Variants in IL1RAPL1 observed in about 807,000 individuals in gnomAD.
The protein encoded by IL1RAPL1 is interleukin-1 receptor accessory protein-like 1.
A neutral mutation model predicts 48.4 loss-of-function variants in IL1RAPL1; 3 were observed. The ratio of observed to expected loss-of-function variants is 0.06; its 90% CI spans 0.03 to 0.16. The LOEUF is 0.16. Among genes scored for constraint, IL1RAPL1 ranks in the 10% least tolerant of loss-of-function variants. The pLI is 1.00. For synonymous variants in IL1RAPL1, 185 were observed against 187.7 expected (o/e 0.99, Z 0.12); for missense variants, 349 against 530.6 (o/e 0.66, Z 3.36).
At chrX:28,770,288 A>G (rs917932607) in intron 1 of IL1RAPL1, among the ~76,000 whole-genome samples, 29 of 111,042 alleles carry the variant, frequency 2.6e-4, no homozygotes, top group African/African-American at 9.2e-4. Context: ...CTGTAAGAAG[A>G]AAGGATGTAA....
At chrX:29,643,964 T>C (rs751579516) in intron 5 of IL1RAPL1, among the ~76,000 whole-genome samples, 1 of 112,274 alleles carries the variant, frequency 8.9e-6, no homozygotes, top group African/African-American at 3.2e-5. Flanking sequence ...CTTCAAGATA[T>C]ATTTTTTCAA....
intron 3 of IL1RAPL1, among the ~76,000 whole-genome samples, chrX:29,324,164 C>T (rs1230435196): frequency 9.0e-6 from 1 of 111,022 alleles, no homozygotes; most frequent in African/African-American, 3.3e-5. Context: ...TTCTGCATTG[C>T]TGCTTTATAC....
At chrX:29,447,955 A>G (rs1934631227) in intron 5 of IL1RAPL1, among the ~76,000 whole-genome samples, 1 of 112,243 alleles carries the variant, frequency 8.9e-6, no homozygotes, top group Non-Finnish European at 1.9e-5. Flanking sequence ...GTGGAAAGAC[A>G]AGAAATGTTT....
At chrX:29,219,338 T>G (rs758949438) in intron 2 of IL1RAPL1, among the ~76,000 whole-genome samples, 18 of 111,671 alleles carry the variant, frequency 1.6e-4, no homozygotes, top group African/African-American at 4.5e-4. Context: ...ACACTTACAA[T>G]GTACCAGGCC....
chrX:28,773,678 C>T (rs1274383220), intron 1 of IL1RAPL1, among the ~76,000 whole-genome samples: 4 of 111,603 alleles, frequency 3.6e-5, no homozygotes, highest in African/African-American at 9.8e-5. Flanking sequence ...AATGATCTCT[C>T]GAAGACTGCT....
At chrX:29,656,394 G>T (rs1436285979) in intron 5 of IL1RAPL1, among the ~76,000 whole-genome samples, 1 of 111,039 alleles carries the variant, frequency 9.0e-6, no homozygotes, top group African/African-American at 3.3e-5. Context: ...TGAACCCAAT[G>T]TGTAGTCTTT....
chrX:29,099,219 T>G (rs1928281022), intron 2 of IL1RAPL1, among the ~76,000 whole-genome samples: 1 of 111,944 alleles, frequency 8.9e-6, no homozygotes, highest in African/African-American at 3.2e-5. Context: ...TTAAAGAAGA[T>G]TTTTAATCAG....
At chrX:29,950,820 G>T (rs1000333787) in intron 9 of IL1RAPL1, among the ~76,000 whole-genome samples, 1 of 109,859 alleles carries the variant, frequency 9.1e-6, no homozygotes, top group Non-Finnish European at 1.9e-5. Context: ...GGGACTACAG[G>T]CGCCCGCAAC....
At chrX:29,452,727 G>T (rs1374089799) in intron 5 of IL1RAPL1, among the ~76,000 whole-genome samples, 1 of 110,577 alleles carries the variant, frequency 9.0e-6, no homozygotes, top group Non-Finnish European at 1.9e-5. Context: ...TGAATCACAG[G>T]ATTAACCTTT....
At chrX:28,959,593 AAT>A (rs1408823759) in intron 2 of IL1RAPL1, among the ~76,000 whole-genome samples, 1 of 111,701 alleles carries the variant, frequency 9.0e-6, no homozygotes, top group African/African-American at 3.2e-5. Context: ...ACTTAATACA[AAT>A]ATGTTTCTCT....
chrX:29,571,436 T>A (rs1336769716), intron 5 of IL1RAPL1, among the ~76,000 whole-genome samples: 1 of 111,272 alleles, frequency 9.0e-6, no homozygotes, highest in Non-Finnish European at 1.9e-5. Flanking sequence ...TCCTAGTAGT[T>A]ACTCTTTGTT....
intron 5 of IL1RAPL1, among the ~76,000 whole-genome samples, chrX:29,536,412 A>G (rs188306285): frequency 1.9e-4 from 21 of 111,979 alleles, no homozygotes; most frequent in Middle Eastern, 4.7e-3. Flanking sequence ...ATTACACTGC[A>G]TTGAGGCAAA....
intron 6 of IL1RAPL1, among the ~76,000 whole-genome samples, chrX:29,774,276 G>T (rs1014714405): frequency 3.6e-5 from 4 of 111,213 alleles, no homozygotes; most frequent in Non-Finnish European, 7.5e-5. Flanking sequence ...ATGGGGGACT[G>T]ATCTATGCAT....
chrX:28,767,184 C>T (rs62586134), intron 1 of IL1RAPL1, among the ~76,000 whole-genome samples: 2 of 111,526 alleles, frequency 1.8e-5, no homozygotes, highest in Non-Finnish European at 3.8e-5. Flanking sequence ...CTTTTCTCCA[C>T]ATCCTTGCCA....
chrX:29,686,618 T>C (rs1328084034), intron 6 of IL1RAPL1, among the ~76,000 whole-genome samples: 1 of 107,664 alleles, frequency 9.3e-6, no homozygotes, highest in Non-Finnish European at 1.9e-5. Context: ...AGTGCAGTGG[T>C]GCGATCTCAG....
chrX:28,821,415 G>C (rs1000980812), intron 2 of IL1RAPL1, among the ~76,000 whole-genome samples: 6 of 110,529 alleles, frequency 5.4e-5, no homozygotes, highest in Non-Finnish European at 1.1e-4. Context: ...GCCTACAGCA[G>C]AAATTGTAGT....
At chrX:29,118,666 G>A (rs1453304796) in intron 2 of IL1RAPL1, among the ~76,000 whole-genome samples, 1 of 111,468 alleles carries the variant, frequency 9.0e-6, no homozygotes, top group Non-Finnish European at 1.9e-5. Flanking sequence ...TAAGTTGTTA[G>A]AACAAGCTAG....
At chrX:29,204,209 A>G (rs1391868744) in intron 2 of IL1RAPL1, among the ~76,000 whole-genome samples, 6 of 111,838 alleles carry the variant, frequency 5.4e-5, no homozygotes, top group South Asian at 7.4e-4. Flanking sequence ...CAATATACTA[A>G]TCGCCTTTCT....
intron 2 of IL1RAPL1, among the ~76,000 whole-genome samples, chrX:28,865,966 A>G (rs993096155): frequency 8.9e-6 from 1 of 112,064 alleles, no homozygotes; most frequent in Admixed American, 9.5e-5. Flanking sequence ...AATGAAAAAA[A>G]TAGGTGAGGA....
Sources: gnomAD v4.1 joint callset for allele counts (sites outside exome capture counted in the v4.1 genomes callset) on GRCh38, gnomAD v4.1.1 for gene constraint, MANE v1.5 for transcripts, NCBI Gene and HGNC (gene_info 2026-07-23, HGNC 2026-07-21) for gene names.